COX6C: variants seen among roughly 807,000 people sequenced by gnomAD.
COX6C encodes the protein cytochrome c oxidase subunit 6C, also known as cytochrome c oxidase polypeptide VIc.
Under a neutral mutation model 6.9 loss-of-function variants are expected in COX6C, and 3 were observed. That is an observed-to-expected ratio of 0.43 (90% CI 0.20 to 1.12). The LOEUF (loss-of-function observed/expected upper bound fraction) is 1.12, where lower values mean the gene tolerates loss of function less well. Among genes scored for constraint, COX6C ranks in the 50% most tolerant of loss-of-function variants. The pLI, the probability that COX6C is intolerant of heterozygous loss-of-function variation, is 0.27. For missense variants in COX6C, 101 were observed against 97.3 expected (o/e 1.04, Z -0.16); for synonymous variants, 32 against 32.0 (o/e 1.00, Z 0.00).
chr8:99,891,125 A>C (rs1482979681), intron 2 of COX6C, among the ~76,000 whole-genome samples: 1 of 152,250 alleles, frequency 6.6e-6, no homozygotes, highest in Non-Finnish European at 1.5e-5. Context: ...TGTTTGACCA[A>C]AACTCATGTG....
chr8:99,888,939 T>C (rs898306344), intron 2 of COX6C, among the ~76,000 whole-genome samples: 2 of 152,236 alleles, frequency 1.3e-5, no homozygotes, highest in Non-Finnish European at 1.5e-5. Context: ...GTATTCAATC[T>C]GTGAGGTGGG....
In COX6C at chr8:99,891,859, A is replaced by C. The variant is rs1249496713; in HGVS notation, c.114+49T>G. On this transcript the variant is annotated intron_variant, in intron 2 of 3. Transcript: ENST00000520468. ...AGTTTCTTTAAAAGATTTTTCAACC[A>C]AAAACACATACTTTATGACCTTCGG... 3 of 1,556,742 alleles carry C rather than the reference A, an allele frequency of 1.9e-6. No homozygotes were observed. The African/African-American group carries it at 4.1e-5, about 21-fold the overall frequency.
chr8:99,890,033 G>C (rs1818010452), intron 2 of COX6C, among the ~76,000 whole-genome samples: 1 of 151,892 alleles, frequency 6.6e-6, no homozygotes, highest in East Asian at 1.9e-4. Context: ...GGCGGAGCTT[G>C]CACTGAGCTG....
intron 3 of COX6C, among the ~76,000 whole-genome samples, chr8:99,885,599 A>G (rs990860316): frequency 6.6e-6 from 1 of 152,364 alleles, no homozygotes; most frequent in East Asian, 1.9e-4. Context: ...TGGATACCAC[A>G]TGTAAAAGAA....
intron 1 of COX6C, among the ~76,000 whole-genome samples, chr8:99,892,535 A>T (rs1818070886): frequency 6.6e-6 from 1 of 152,100 alleles, no homozygotes; most frequent in South Asian, 2.1e-4. Context: ...TCTCGGGTAA[A>T]ATAATAAAAG....
chr8:99,888,617 G>T (rs1244650649), intron 2 of COX6C, among the ~76,000 whole-genome samples: 5 of 152,156 alleles, frequency 3.3e-5, no homozygotes, highest in Non-Finnish European at 7.3e-5. Context: ...AGTGCTGGGG[G>T]CCATCATTAC....
At chr8:99,880,105 A>G (rs181626775) in intron 3 of COX6C, among the ~76,000 whole-genome samples, 21 of 152,322 alleles carry the variant, frequency 1.4e-4, no homozygotes, top group Admixed American at 3.9e-4. Flanking sequence ...AAAGTTTGAG[A>G]GGACACCAAG....
chr8:99,893,480 G>C (rs1818090142), intron 1 of COX6C, 159 bp downstream of exon 1: 1 of 152,314 alleles, frequency 6.6e-6, no homozygotes, highest in Admixed American at 6.5e-5. Flanking sequence ...CCCTCAGGCC[G>C]CAGCGGAAGC....
At chr8:99,889,598 G>GT (rs1290289048) in intron 2 of COX6C, among the ~76,000 whole-genome samples, 1 of 151,486 alleles carries the variant, frequency 6.6e-6, no homozygotes, top group Non-Finnish European at 1.5e-5. Flanking sequence ...ATGTAGGCCA[G>GT]GCTGGTCTCG....
At chr8:99,881,907 T>C (rs1490466496) in intron 3 of COX6C, among the ~76,000 whole-genome samples, 1 of 152,072 alleles carries the variant, frequency 6.6e-6, no homozygotes, top group African/African-American at 2.4e-5. Flanking sequence ...GAAAAAGATG[T>C]CCCACACATA....
intron 3 of COX6C, among the ~76,000 whole-genome samples, chr8:99,880,626 G>A (rs1242005170): frequency 6.6e-6 from 1 of 151,738 alleles, no homozygotes; most frequent in Admixed American, 6.6e-5. Context: ...CTGTAATCTG[G>A]GAGGCCAAGG....
In COX6C at chr8:99,887,533, T is replaced by G. The variant is rs771489148; in HGVS notation, c.200A>C (p.Lys67Thr). ...CTTTACACTCTGAAAGATACCAGCCTTCCTCATCTCCTCAAAATCTTTCAT... is the reference window on the plus strand; with the variant it reads ...CTTTACACTCTGAAAGATACCAGCCGTCCTCATCTCCTCAAAATCTTTCAT... ...DVMKDFEEMR[K>T]AGIFQSVK The change falls in exon 3 of 4, where the codon AAG (lysine) becomes ACG (threonine). Residue 67 changes from lysine to threonine, a missense_variant. Physicochemically the swap from Lys to Thr is moderately conservative, Grantham distance 78 (BLOSUM62 -1). Transcript: ENST00000520468. 2 of 1,607,608 alleles carry G rather than the reference T, an allele frequency of 1.2e-6. No individual in the cohort carries two copies. The highest frequency in any genetic ancestry group is 1.7e-6 in the Non-Finnish European group (2 of 1,177,452).
At chr8:99,883,144 A>G (rs1588826671) in intron 3 of COX6C, among the ~76,000 whole-genome samples, 1 of 152,156 alleles carries the variant, frequency 6.6e-6, no homozygotes, top group South Asian at 2.1e-4. Flanking sequence ...CTGAACGTCT[A>G]TAACTAGTAG....
At chr8:99,878,932 C>T (rs766699896) in intron 3 of COX6C, 2 of 151,870 alleles carry the variant, frequency 1.3e-5, no homozygotes, top group East Asian at 3.9e-4. Context: ...TTTTGACTTA[C>T]GATATTCTCA....
chr8:99,883,471 A>ATT (rs71274942), intron 3 of COX6C, among the ~76,000 whole-genome samples: 13,910 of 137,552 alleles, frequency 0.1, 865 homozygotes, highest in African/African-American at 0.15. Flanking sequence ...ATATATATAT[A>ATT]TTTTTTTTTT....
chr8:99,890,616 A>C (rs930357034), intron 2 of COX6C, among the ~76,000 whole-genome samples: 2 of 152,248 alleles, frequency 1.3e-5, no homozygotes, highest in African/African-American at 4.8e-5. Flanking sequence ...TGCCTTAATG[A>C]GGCTCACAGC....
chr8:99,888,296 G>A (rs1817974920), intron 2 of COX6C, among the ~76,000 whole-genome samples: 1 of 152,080 alleles, frequency 6.6e-6, no homozygotes, highest in Non-Finnish European at 1.5e-5. Context: ...GCAGAGGTCG[G>A]GCGTGGTGGC....
intron 3 of COX6C, among the ~76,000 whole-genome samples, chr8:99,881,982 T>G (rs564553816): frequency 6.6e-6 from 1 of 152,188 alleles, no homozygotes; most frequent in African/African-American, 2.4e-5. Flanking sequence ...CTAAAATGTT[T>G]CAAGAGACAA....
intron 3 of COX6C, among the ~76,000 whole-genome samples, chr8:99,881,283 C>T (rs1462725335): frequency 6.6e-6 from 1 of 151,876 alleles, no homozygotes; most frequent in African/African-American, 2.4e-5. Flanking sequence ...TTGCTTGAAC[C>T]CACGAGGCGG....
Sources: allele counts gnomAD v4.1 joint callset (sites outside exome capture counted in the v4.1 genomes callset), GRCh38; gene constraint gnomAD v4.1.1; transcripts MANE v1.5; gene names NCBI Gene and HGNC (gene_info 2026-07-23, HGNC 2026-07-21).